The following PRR5 variants were observed in gnomAD, a reference collection of about 807,000 sequenced individuals.
PRR5 encodes the protein proline-rich protein 5.
In PRR5, 25 loss-of-function variants were observed where a neutral mutation model predicts 30.6. That is an observed-to-expected ratio of 0.82 (90% CI 0.60 to 1.14). The LOEUF is 1.14. Ranked by LOEUF, PRR5 falls within the 50% of genes most tolerant of loss-of-function variation. PRR5 has a pLI of 0.00. For synonymous variants in PRR5, 286 were observed against 247.1 expected, an observed-to-expected ratio of 1.16 and a Z score of -1.48; for missense variants, 600 against 547.1, an observed-to-expected ratio of 1.10 and a Z score of -0.96.
chr22:44,732,753 C>T (rs1387742448), intron 6 of PRR5, among the ~76,000 whole-genome samples: 1 of 143,546 alleles, frequency 7.0e-6, no homozygotes, highest in Non-Finnish European at 1.5e-5. Flanking sequence ...CACGTGTGCA[C>T]GCACACGCTA....
chr22:44,737,137 C>A lies in PRR5; in HGVS notation c.1057C>A (p.Leu353Met). Reference sequence around the variant, plus strand: ...CCCGGAGAACCTGGTGGACCAGATCCTGGAGTCCGTGGACTCGGATTCTGA... The same window carrying A: ...CCCGGAGAACCTGGTGGACCAGATCATGGAGTCCGTGGACTCGGATTCTGA... Reference protein sequence around the residue: ...SSPENLVDQILESVDSDSEGI... With the variant: ...SSPENLVDQIMESVDSDSEGI... Residue 353 changes from leucine (L) to methionine (M), a missense_variant, in exon 8 of 8, where the codon CTG becomes ATG. Coordinates refer to ENST00000336985, the MANE Select transcript of PRR5 (RefSeq NM_181333.4). 2 of 1,612,674 alleles carry A rather than the reference C, an allele frequency of 1.2e-6. No individual in the cohort carries two copies. Among genetic ancestry groups the A allele is most frequent in the East Asian group, 4.5e-5 (2 of 44,866 alleles).
upstream of PRR5, among the ~76,000 whole-genome samples, chr22:44,697,423 C>T (rs757062867): frequency 2.6e-5 from 4 of 152,230 alleles, no homozygotes; most frequent in Non-Finnish European, 2.9e-5. Context: ...GATGGGACGG[C>T]CCGGATGGCA....
chr22:44,704,722 C>A (rs1441103657), intron 1 of PRR5, among the ~76,000 whole-genome samples: 1 of 152,140 alleles, frequency 6.6e-6, no homozygotes, highest in Non-Finnish European at 1.5e-5. Context: ...CAGCACCCCC[C>A]ACCGAGAGAT....
At chr22:44,698,300 A>AGCAGGGGTGGCTCTGGTGGCTTTGGGGT (rs1569076832), upstream of PRR5, among the ~76,000 whole-genome samples, 10 of 149,496 alleles carry the variant, frequency 6.7e-5, no homozygotes, top group African/African-American at 2.5e-4. Context: ...GGCTTTGGGG[A>AGCAGGGGTGGCTCTGGTGGCTTTGGGGT]TGTGTGAATG....
rs1346182720 is a variant in PRR5 at position 44,737,266 on chromosome 22, G to C, written c.*19G>C. 1.3e-6 allele frequency: 2 copies of C among 1,579,976 alleles called. No homozygotes were observed. Among genetic ancestry groups the C allele is most frequent in the Non-Finnish European group, 8.6e-7 (1 of 1,158,962 alleles). On this transcript the variant is annotated 3_prime_UTR_variant, in exon 8 of 8. Transcript: ENST00000336985. ...CGTGTGAGGCCTCACAGCTGGCCTTGAGTTTTTACTGACACGTCCCTGTGT... is the reference window on the plus strand; with the variant it reads ...CGTGTGAGGCCTCACAGCTGGCCTTCAGTTTTTACTGACACGTCCCTGTGT...
chr22:44,699,250 G>A (rs1471460673), upstream of PRR5, among the ~76,000 whole-genome samples: 1 of 152,118 alleles, frequency 6.6e-6, no homozygotes, highest in African/African-American at 2.4e-5. Context: ...ATTTCTCTCT[G>A]ATTTCTTATC....
At chr22:44,704,388 A>G (rs945601698) in intron 1 of PRR5, among the ~76,000 whole-genome samples, 2 of 152,034 alleles carry the variant, frequency 1.3e-5, no homozygotes, top group Non-Finnish European at 2.9e-5. Context: ...CCCTCACCCA[A>G]CCTTGGGTGA....
upstream of PRR5, among the ~76,000 whole-genome samples, chr22:44,699,395 C>T (rs1926053649): frequency 6.6e-6 from 1 of 152,252 alleles, no homozygotes; most frequent in East Asian, 1.9e-4. Context: ...CAGCCTCCGG[C>T]GTGGGAAACC....
chr22:44,669,557 C>T (rs764460892), intron 1 of PRR5, among the ~76,000 whole-genome samples: 1 of 152,250 alleles, frequency 6.6e-6, no homozygotes, highest in Non-Finnish European at 1.5e-5. Context: ...GTCTGCGCCT[C>T]TGACCTAATC....
intron 1 of PRR5, among the ~76,000 whole-genome samples, chr22:44,692,980 G>A (rs1446022368): frequency 6.6e-6 from 1 of 152,194 alleles, no homozygotes; most frequent in African/African-American, 2.4e-5. Context: ...AGAAAGCAGA[G>A]CTAGAGGGAA....
chr22:44,697,078 T>A (rs918690559), intron 1 of PRR5, among the ~76,000 whole-genome samples: 3 of 152,140 alleles, frequency 2.0e-5, no homozygotes, highest in Non-Finnish European at 4.4e-5. Flanking sequence ...GAAGGGACGA[T>A]GGGCTCACCT....
intron 2 of PRR5, 142 bp downstream of exon 2, chr22:44,714,813 G>A (rs1302311656): frequency 3.4e-6 from 4 of 1,181,932 alleles, no homozygotes; most frequent in Non-Finnish European, 3.5e-6. Context: ...ACAGGAGAGC[G>A]AGGCCCAAGT....
intron 1 of PRR5, among the ~76,000 whole-genome samples, chr22:44,681,592 GAA>G (rs71744414): frequency 0.11 from 13,884 of 129,594 alleles, 798 homozygotes; most frequent in East Asian, 0.29. Context: ...TTGTCTCAAA[GAA>G]AAAAAAAAAA....
chr22:44,705,383 G>A (rs1927027299), intron 1 of PRR5, among the ~76,000 whole-genome samples: 1 of 152,054 alleles, frequency 6.6e-6, no homozygotes, highest in Non-Finnish European at 1.5e-5. Context: ...GAGTGCAATG[G>A]TGTGATCTCA....
At position 44,736,976 on chromosome 22, in the gene PRR5, C is replaced by T. The variant is rs1183863620; in HGVS notation, c.896C>T (p.Pro299Leu). ...GAGCCTCAGGGCTTCTCCGACCCGCCCGGCCAGGGCCCCACCGGGACCTTC... is the reference window on the plus strand; with the variant it reads ...GAGCCTCAGGGCTTCTCCGACCCGCTCGGCCAGGGCCCCACCGGGACCTTC... Reference protein sequence around the residue: ...CPEPQGFSDPPGQGPTGTFRS... With the variant: ...CPEPQGFSDPLGQGPTGTFRS... The change falls in exon 8 of 8, where the codon CCC (proline) becomes CTC (leucine). Residue 299 changes from proline to leucine, a missense_variant. Coordinates refer to ENST00000336985, the MANE Select transcript of PRR5 (RefSeq NM_181333.4). The T allele has an allele frequency of 6.2e-7, 1 of 1,600,968 alleles. No individual in the cohort carries two copies. The highest frequency in any genetic ancestry group is 2.2e-5 in the East Asian group (1 of 44,472).
chr22:44,704,747 A>G lies in PRR5; in HGVS notation c.134+2139A>G, dbSNP rs80307880. ...CACCGAGAGATGCAGAAGGGCAGAG[A>G]GAGCACCCAGGAGACATGCCCAGCT... On this transcript the variant is annotated intron_variant, in intron 1 of 7. Coordinates refer to ENST00000336985, the MANE Select transcript of PRR5 (RefSeq NM_181333.4). Among the ~76,000 whole-genome samples the G allele has an allele frequency of 8.1e-3, 1,222 of 151,640 alleles. 16 individuals are homozygous for G. Among genetic ancestry groups the G allele is most frequent in the African/African-American group, 0.028 (1,160 of 41,294 alleles).
At chr22:44,673,573 G>A (rs755174955), upstream of PRR5, among the ~76,000 whole-genome samples, 6 of 152,104 alleles carry the variant, frequency 3.9e-5, no homozygotes, top group East Asian at 1.9e-4. Context: ...TGATTTAGAC[G>A]AACAGAAAGC....
chr22:44,716,761 A>G (rs1215472263), intron 2 of PRR5, among the ~76,000 whole-genome samples: 1 of 152,148 alleles, frequency 6.6e-6, no homozygotes, highest in Non-Finnish European at 1.5e-5. Context: ...GTGTGGCCAC[A>G]TTAAACTCAG....
intron 1 of PRR5, among the ~76,000 whole-genome samples, chr22:44,703,564 G>A (rs1926713350): frequency 6.6e-6 from 1 of 152,186 alleles, no homozygotes; most frequent in Non-Finnish European, 1.5e-5. Flanking sequence ...CTGTCTCTGA[G>A]TTGCAAACTG....
Sources: gnomAD v4.1 joint callset for allele counts (sites outside exome capture counted in the v4.1 genomes callset) on GRCh38, gnomAD v4.1.1 for gene constraint, MANE v1.5 for transcripts, NCBI Gene and HGNC (gene_info 2026-07-23, HGNC 2026-07-21) for gene names.